NEO1: variants seen among roughly 807,000 people sequenced by gnomAD.
NEO1 encodes the protein neogenin 1.
In NEO1, 63 loss-of-function variants were observed where a neutral mutation model predicts 159.7. That is an observed-to-expected ratio of 0.39 (90% CI 0.32 to 0.49). The LOEUF (loss-of-function observed/expected upper bound fraction) is 0.49. NEO1 is among the 20% of genes least tolerant of loss of function. The pLI is 0.85. For missense variants in NEO1, 1,615 were observed against 1,831.0 expected (o/e 0.88, Z 2.15); for synonymous variants, 633 against 662.0 (o/e 0.96, Z 0.67).
intron 9 of NEO1, among the ~76,000 whole-genome samples, chr15:73,244,947 T>C (rs2039679380): frequency 3.0e-5 from 1 of 33,178 alleles, no homozygotes; most frequent in Non-Finnish European, 8.3e-5. Flanking sequence ...AGAGTGAGAC[T>C]CTGTCTCAAA....
chr15:73,249,823 C>A, intron 11 of NEO1, 102 bp downstream of exon 11: 1 of 1,295,084 alleles, frequency 7.7e-7, no homozygotes, highest in East Asian at 2.4e-5. Flanking sequence ...AGTTCAAATC[C>A]CAATTTTACC....
intron 15 of NEO1, among the ~76,000 whole-genome samples, chr15:73,262,128 T>C (rs1056000808): frequency 6.6e-6 from 1 of 152,084 alleles, no homozygotes; most frequent in African/African-American, 2.4e-5. Context: ...CAGACCTAAA[T>C]GCAAATGACC....
At chr15:73,192,100 A>G (rs900773225) in intron 7 of NEO1, among the ~76,000 whole-genome samples, 1 of 152,014 alleles carries the variant, frequency 6.6e-6, no homozygotes, top group African/African-American at 2.4e-5. Flanking sequence ...TTTATTGTCT[A>G]CTTAAATAAA....
intron 1 of NEO1, among the ~76,000 whole-genome samples, chr15:73,078,644 C>G (rs188195975): frequency 5.9e-5 from 9 of 152,314 alleles, no homozygotes; most frequent in Admixed American, 4.6e-4. Context: ...TGCACAGATA[C>G]AGTAGATGCT....
At chr15:73,222,565 A>G (rs2038356199) in intron 7 of NEO1, among the ~76,000 whole-genome samples, 1 of 151,980 alleles carries the variant, frequency 6.6e-6, no homozygotes, top group Admixed American at 6.6e-5. Context: ...GTAGTCTTGA[A>G]TGATCTTTTG....
At chr15:73,104,073 G>T (rs1355913477) in intron 1 of NEO1, among the ~76,000 whole-genome samples, 2 of 152,070 alleles carry the variant, frequency 1.3e-5, no homozygotes, top group Non-Finnish European at 2.9e-5. Flanking sequence ...TTTTGCTCAG[G>T]CTGGTCTCAA....
At chr15:73,100,564 A>C (rs991509932) in intron 1 of NEO1, among the ~76,000 whole-genome samples, 2 of 151,966 alleles carry the variant, frequency 1.3e-5, no homozygotes, top group African/African-American at 4.8e-5. Context: ...TGAACTCCTG[A>C]CCTCAGATGA....
At chr15:73,205,760 C>T (rs1471708065) in intron 7 of NEO1, among the ~76,000 whole-genome samples, 2 of 152,212 alleles carry the variant, frequency 1.3e-5, no homozygotes, top group African/African-American at 4.8e-5. Flanking sequence ...AATCTCATTT[C>T]TCTAGTGAGT....
chr15:73,151,151 G>T (rs1024336996), intron 5 of NEO1, among the ~76,000 whole-genome samples: 2 of 152,152 alleles, frequency 1.3e-5, no homozygotes, highest in African/African-American at 4.8e-5. Flanking sequence ...CCTGGTAGGT[G>T]TATAGTAGCA....
chr15:73,055,414 C>T (rs2067649335), intron 1 of NEO1, among the ~76,000 whole-genome samples: 1 of 152,164 alleles, frequency 6.6e-6, no homozygotes, highest in Non-Finnish European at 1.5e-5. Context: ...ACCCTTCTTA[C>T]ATTTTTTCCT....
At chr15:73,209,283 T>A (rs1180879139) in intron 7 of NEO1, among the ~76,000 whole-genome samples, 5 of 152,236 alleles carry the variant, frequency 3.3e-5, no homozygotes, top group African/African-American at 1.2e-4. Context: ...CTGCCATGTA[T>A]TTTTCAGTGG....
intron 7 of NEO1, among the ~76,000 whole-genome samples, chr15:73,215,339 G>T (rs1266914394): frequency 6.6e-6 from 1 of 152,142 alleles, no homozygotes; most frequent in Admixed American, 6.5e-5. Context: ...GTGAGAGTGG[G>T]CATTCTTGTC....
intron 3 of NEO1, among the ~76,000 whole-genome samples, chr15:73,123,094 G>A (rs1964543): frequency 0.27 from 40,988 of 151,320 alleles, 7,088 homozygotes; most frequent in Middle Eastern, 0.41. Flanking sequence ...GAGGTGGAGG[G>A]TGCAGTGAGC....
chr15:73,249,096 A>G lies in NEO1; in HGVS notation c.1643A>G (p.Tyr548Cys), dbSNP rs1338295101. ...LPGPAPNLRA[Y>C]AASPTSITVT... ...GGCCCAGCACCTAACCTTCGTGCAT[A>G]TGCAGCTTCGCCTACCTCCATCACT... is the stretch of plus-strand genomic sequence containing the variant. The change falls in exon 10 of 29, where the codon TAT becomes TGT. Residue 548 changes from tyrosine (Y) to cysteine (C), a missense_variant. Physicochemically the swap from Tyr to Cys is radical, Grantham distance 194 (BLOSUM62 -2). This residue lies in a region of NEO1 where 1,018 missense variants were observed against 1,115.4 expected (regional missense o/e 0.91). Coordinates refer to ENST00000261908, the MANE Select transcript of NEO1 (RefSeq NM_002499.4). 3.7e-6 allele frequency: 6 copies of G among 1,613,966 alleles called. No individual in the cohort carries two copies. The highest frequency in any genetic ancestry group is 1.6e-4 in the Middle Eastern group (1 of 6,084).
At chr15:73,185,893 A>T (rs2035892160) in intron 7 of NEO1, among the ~76,000 whole-genome samples, 2 of 152,196 alleles carry the variant, frequency 1.3e-5, no homozygotes, top group Non-Finnish European at 2.9e-5. Context: ...AAGGACAGGG[A>T]GAAACAAATG....
chr15:73,058,242 C>T (rs1380808434), intron 1 of NEO1, among the ~76,000 whole-genome samples: 7 of 152,132 alleles, frequency 4.6e-5, no homozygotes, highest in Non-Finnish European at 8.8e-5. Flanking sequence ...AGGCATTGTG[C>T]CATGCTCTTT....
At chr15:73,070,744 G>A (rs187066435) in intron 1 of NEO1, among the ~76,000 whole-genome samples, 80 of 152,180 alleles carry the variant, frequency 5.3e-4, no homozygotes, top group Non-Finnish European at 2.4e-4. Context: ...GAACAGTTAT[G>A]ACATATTGTC....
intron 18 of NEO1, 143 bp from the exon 19 acceptor site, chr15:73,272,312 A>C: frequency 1.7e-6 from 1 of 586,020 alleles, no homozygotes; most frequent in South Asian, 2.2e-5. Context: ...CTTTTGATAG[A>C]CAAACTGTGA....
chr15:73,170,153 G>T (rs1294887465), intron 5 of NEO1, among the ~76,000 whole-genome samples: 2 of 152,070 alleles, frequency 1.3e-5, no homozygotes, highest in African/African-American at 2.4e-5. Flanking sequence ...ATTTAAAATT[G>T]TAATTGGACT....
Sources: allele counts gnomAD v4.1 joint callset (sites outside exome capture counted in the v4.1 genomes callset), GRCh38; gene constraint gnomAD v4.1.1; regional missense constraint gnomAD v4.1.1; transcripts MANE v1.5; gene names NCBI Gene and HGNC (gene_info 2026-07-23, HGNC 2026-07-21).